PSME1: variants seen among roughly 807,000 people sequenced by gnomAD.
PSME1 encodes the protein proteasome activator complex subunit 1.
PSME1 carries 15 observed loss-of-function variants against 38.4 expected under a neutral mutation model. That is an observed-to-expected ratio of 0.39 (90% CI 0.26 to 0.60). The LOEUF (loss-of-function observed/expected upper bound fraction) is 0.60, where lower values mean the gene tolerates loss of function less well. PSME1 is among the 20% of genes least tolerant of loss of function. PSME1 has a pLI of 0.53. For synonymous variants in PSME1, 106 were observed against 106.8 expected, an observed-to-expected ratio of 0.99 and a Z score of 0.05; for missense variants, 249 against 305.6, an observed-to-expected ratio of 0.81 and a Z score of 1.38.
Position 24,138,824 on chromosome 14 carries a change from C to A in PSME1, c.*8C>A. 6.2e-7 allele frequency: 1 copy of A among 1,613,070 alleles called. No individual in the cohort carries two copies. Among genetic ancestry groups the A allele is most frequent in the South Asian group, 1.1e-5 (1 of 91,056 alleles). On this transcript the variant is annotated 3_prime_UTR_variant, in exon 11 of 11. Transcript: ENST00000206451. ...AAGGGAATGATCTATTGAGAGCCCTCTCTCCCATTCTGTGATGAGTACAGC... is the reference window on the plus strand; with the variant it reads ...AAGGGAATGATCTATTGAGAGCCCTATCTCCCATTCTGTGATGAGTACAGC...
Position 24,138,753 on chromosome 14 carries a change from C to A in PSME1, c.687C>A (p.Ile229=), listed in dbSNP as rs763111057. 1 of 1,614,186 alleles carries A rather than the reference C, an allele frequency of 6.2e-7. No individual in the cohort carries two copies. ...CCCTGTAGGCTGTGTTATATGACAT[C>A]ATCCTGAAGAACTTCGAGAAGCTCA... ...IRNAYAVLYD[I]ILKNFEKLKK... is the part of the protein sequence containing the mutation. Residue 229 remains isoleucine (I), a synonymous_variant, in exon 11 of 11, where the codon ATC becomes ATA. Coordinates refer to ENST00000206451, the MANE Select transcript of PSME1 (RefSeq NM_006263.4).
rs770537710 is a variant in PSME1 at position 24,137,192 on chromosome 14, A to G, written c.122A>G (p.Asp41Gly). 1.2e-5 allele frequency: 20 copies of G among 1,614,178 alleles called. No homozygotes were observed. Among genetic ancestry groups the G allele is most frequent in the Non-Finnish European group, 1.5e-5 (18 of 1,180,016 alleles). ...SYFPKKISELDAFLKEPALNE... is the reference protein window; with the variant it reads ...SYFPKKISELGAFLKEPALNE... ...TTCCCCAAGAAGATTTCTGAGCTGG[A>G]TGCATTTTTAAAGGTACCGCGGCTG... is the stretch of plus-strand genomic sequence containing the variant. The change falls in exon 3 of 11, where the codon GAT becomes GGT. Residue 41 changes from aspartate to glycine, a missense_variant. Transcript: ENST00000206451.
Position 24,138,478 on chromosome 14 carries a change from A to G in PSME1, c.587A>G (p.Asp196Gly). 6.2e-7 allele frequency: 1 copy of G among 1,614,072 alleles called. No homozygotes were observed. Among genetic ancestry groups the G allele is most frequent in the Non-Finnish European group, 8.5e-7 (1 of 1,180,028 alleles). ...CCTGACCCGAGCTTCCCACAGGGTG[A>G]TTATCGGCAGCTGGTGCACGAGCTG... ...TKAAKQPHVG[D>G]YRQLVHELDE... The change falls in exon 10 of 11, where the codon GAT becomes GGT. Residue 196 changes from aspartate (D) to glycine (G), a missense_variant. Coordinates refer to ENST00000206451, the MANE Select transcript of PSME1 (RefSeq NM_006263.4).
rs766442402 is a variant in PSME1 at position 24,137,726 on chromosome 14, A to C, written c.319A>C (p.Asn107His). ...TCCTCCCTGTGGCCCAGTGAACTGCAATGAAAAGATCGTGGTCCTTCTGCA... is the reference window on the plus strand; with the variant it reads ...TCCTCCCTGTGGCCCAGTGAACTGCCATGAAAAGATCGTGGTCCTTCTGCA... ...KGPPCGPVNC[N>H]EKIVVLLQRL... The change falls in exon 6 of 11, where the codon AAT (asparagine) becomes CAT (histidine). Residue 107 changes from asparagine (N) to histidine (H), a missense_variant. Physicochemically the swap from Asn to His is moderately conservative, Grantham distance 68. Transcript: ENST00000206451. The C allele has an allele frequency of 6.2e-7, 1 of 1,614,234 alleles. No homozygotes were observed. The highest frequency in any genetic ancestry group is 8.5e-7 in the Non-Finnish European group (1 of 1,180,036).
Position 24,138,746 on chromosome 14 carries a change from AT to A in PSME1, c.681del (p.Tyr227Ter). 6.2e-7 allele frequency: 1 copy of A among 1,614,154 alleles called. No individual in the cohort carries two copies. On this transcript the variant is annotated frameshift_variant, in exon 11 of 11. Coordinates refer to ENST00000206451, the MANE Select transcript of PSME1 (RefSeq NM_006263.4). LOFTEE classifies it high-confidence loss of function. ...MEIRNAYAVL[Y>X]DIILKNFEKL... ...TCCCTGGCCCTGTAGGCTGTGTTAT[AT>A]GACATCATCCTGAAGAACTTCGAGA... is the stretch of plus-strand genomic sequence containing the variant.
At position 24,138,218 on chromosome 14, in the gene PSME1, C is replaced by G. The variant is rs777948031; in HGVS notation, c.482C>G (p.Thr161Ser). 6 of 1,614,044 alleles carry G rather than the reference C, an allele frequency of 3.7e-6. No individual in the cohort carries two copies. Among genetic ancestry groups the G allele is most frequent in the African/African-American group, 1.3e-5 (1 of 74,912 alleles). ...TAGGAGAAGGTGTTTGAGCTGATGA[C>G]CAGCCTCCACACCAAGCTAGAAGGC... ...AVQEKVFELM[T>S]SLHTKLEGFH... The change falls in exon 8 of 11, where the codon ACC becomes AGC. Residue 161 changes from threonine to serine, a missense_variant. Transcript: ENST00000206451.
rs763887752 is a variant in PSME1 at position 24,136,260 on chromosome 14, G to C, written c.-3G>C. The C allele has an allele frequency of 6.5e-7, 1 of 1,527,886 alleles. No homozygotes were observed. The highest frequency in any genetic ancestry group is 1.2e-5 in the South Asian group (1 of 81,028). 94.6% of individuals were successfully genotyped at this position (1,527,886 alleles called of 1,614,324 possible). A position where few individuals can be genotyped will look rare whatever the true frequency, so the allele number is the denominator to read the frequency against. On this transcript the variant is annotated 5_prime_UTR_variant, in exon 1 of 11. Transcript: ENST00000206451. The surrounding 1 kb of genome is among the most constrained non-coding windows in gnomAD (Gnocchi z 4.8). The stretch of plus-strand genomic sequence containing the variant: ...GTGCGGCGCTAGGCCCCCCGTCCCG[G>C]TCATGGCCATGCTCAGGGTCCAGCC...
Position 24,136,218 on chromosome 14 carries a change from T to TGCCCA in PSME1, c.-44_-40dup, listed in dbSNP as rs762523415. The TGCCCA allele has an allele frequency of 1.3e-6, 2 of 1,512,714 alleles. No homozygotes were observed. Among genetic ancestry groups the TGCCCA allele is most frequent in the Non-Finnish European group, 1.8e-6 (2 of 1,129,550 alleles). The allele number at this position is 1,512,714 out of a possible 1,614,324, so 93.7% of individuals were successfully genotyped here. ...TACCGCTTTCGCTTTCCCTTCGCGG[T>TGCCCA]GCCCACTCCACTCCTTGTGCGGCGC... On this transcript the variant is annotated 5_prime_UTR_variant, in exon 1 of 11. Coordinates refer to ENST00000206451, the MANE Select transcript of PSME1 (RefSeq NM_006263.4). The surrounding 1 kb of genome is among the most constrained non-coding windows in gnomAD (Gnocchi z 4.8).
At chr14:24,138,451 G>A in intron 9 of PSME1, 23 bp from the exon 10 acceptor site, 1 of 1,614,160 alleles carries the variant, frequency 6.2e-7, no homozygotes, top group Non-Finnish European at 8.5e-7. Flanking sequence ...TGTAAGGTCA[G>A]GCCTGACCCG....
intron 6 of PSME1, 102 bp from the exon 7 acceptor site, chr14:24,137,947 C>T: frequency 6.6e-7 from 1 of 1,512,724 alleles, no homozygotes; most frequent in Non-Finnish European, 9.2e-7. Flanking sequence ...CAGGATAGAC[C>T]CGGCACGCCT....
At position 24,138,464 on chromosome 14, in the gene PSME1, C is replaced by T. The variant is rs1477365920; in HGVS notation, c.583-10C>T. 1.2e-6 allele frequency: 2 copies of T among 1,613,996 alleles called. No individual in the cohort carries two copies. Among genetic ancestry groups the T allele is most frequent in the Non-Finnish European group, 1.7e-6 (2 of 1,180,034 alleles). On this transcript the variant is annotated splice_polypyrimidine_tract_variant and intron_variant, in intron 9 of 10. Coordinates refer to ENST00000206451, the MANE Select transcript of PSME1 (RefSeq NM_006263.4). ...CATGTAAGGTCAGGCCTGACCCGAG[C>T]TTCCCACAGGGTGATTATCGGCAGC...
intron 5 of PSME1, 60 bp from the exon 6 acceptor site, chr14:24,137,640 T>C (rs1157272943): frequency 2.5e-6 from 4 of 1,611,068 alleles, no homozygotes; most frequent in Non-Finnish European, 3.4e-6. Flanking sequence ...TTCTTTCCAG[T>C]CTCCCCTTCG....
chr14:24,136,788 A>T lies in PSME1; in HGVS notation c.40-197A>T, dbSNP rs2037909452. ...GGGATACCCACTCCACTTTCCGTAGATCCAGGTCTGCAGAGATCCACCTTC... is the reference window on the plus strand; with the variant it reads ...GGGATACCCACTCCACTTTCCGTAGTTCCAGGTCTGCAGAGATCCACCTTC... On this transcript the variant is annotated intron_variant, in intron 1 of 10. Coordinates refer to ENST00000206451, the MANE Select transcript of PSME1 (RefSeq NM_006263.4). The surrounding 1 kb of genome is among the most constrained non-coding windows in gnomAD (Gnocchi z 4.8). The T allele has an allele frequency of 1.5e-6, 1 of 656,564 alleles. No individual in the cohort carries two copies. Among genetic ancestry groups the T allele is most frequent in the Non-Finnish European group, 2.8e-6 (1 of 361,296 alleles). The allele number at this position is 656,564 out of a possible 1,614,324, so 40.7% of individuals were successfully genotyped here. A position where few individuals can be genotyped will look rare whatever the true frequency, so the allele number is the denominator to read the frequency against.
intron 3 of PSME1, 48 bp from the exon 4 acceptor site, chr14:24,137,273 G>A: frequency 6.2e-7 from 1 of 1,611,204 alleles, no homozygotes; most frequent in Non-Finnish European, 8.5e-7. Context: ...GTGAGAGTGA[G>A]GTGAGAGGAA....
At chr14:24,138,611 C>T (rs1481907972) in intron 10 of PSME1, 51 bp downstream of exon 10, 11 of 1,613,850 alleles carry the variant, frequency 6.8e-6, no homozygotes, top group African/African-American at 1.3e-5. Context: ...TTTCCCAGGC[C>T]ACCCACTCCC....
rs778528421 is a variant in PSME1 at position 24,137,414 on chromosome 14, C to T, written c.229C>T (p.Arg77Trp). The T allele has an allele frequency of 2.9e-5, 47 of 1,613,938 alleles. No individual in the cohort carries two copies. The highest frequency in any genetic ancestry group is 4.5e-5 in the East Asian group (2 of 44,896). The change falls in exon 4 of 11, where the codon CGG (arginine) becomes TGG (tryptophan). Residue 77 changes from arginine to tryptophan, a missense_variant. Arg to Trp is a moderately radical substitution (Grantham distance 101, BLOSUM62 -3). Coordinates refer to ENST00000206451, the MANE Select transcript of PSME1 (RefSeq NM_006263.4). ...DPVKEKEKEE[R>W]KKQQEKEDKD... ...AGTCAAGGAGAAAGAGAAAGAGGAG[C>T]GGAAGAAACAGCAGGAGGCAAGCTG...
In PSME1 at chr14:24,136,349, G is replaced by C; in HGVS notation, c.39+48G>C. ...AGGGCCCACTGGGGAGGCGTGGCTG[G>C]AGCGGCCGGGGGCATCCCCGACCCG... On this transcript the variant is annotated intron_variant, in intron 1 of 10. Coordinates refer to ENST00000206451, the MANE Select transcript of PSME1 (RefSeq NM_006263.4). The surrounding 1 kb of genome is among the most constrained non-coding windows in gnomAD (Gnocchi z 4.8). 1 of 1,484,226 alleles carries C rather than the reference G, an allele frequency of 6.7e-7. No homozygotes were observed. Among genetic ancestry groups the C allele is most frequent in the Non-Finnish European group, 9.0e-7 (1 of 1,116,168 alleles). The allele number at this position is 1,484,226 out of a possible 1,614,324, so 91.9% of individuals were successfully genotyped here.
rs11574506 is a variant in PSME1 at position 24,136,685 on chromosome 14, C to T, written c.40-300C>T. Among the ~76,000 whole-genome samples the T allele has an allele frequency of 6.6e-6, 1 of 152,100 alleles. No individual in the cohort carries two copies. The highest frequency in any genetic ancestry group is 1.5e-5 in the Non-Finnish European group (1 of 67,982). Reference sequence around the variant, plus strand: ...AGCACCCCTCCTCACACCTGCCAGGCGACCCCAGAGATCTGTTCTCACGTG... The same window carrying T: ...AGCACCCCTCCTCACACCTGCCAGGTGACCCCAGAGATCTGTTCTCACGTG... On this transcript the variant is annotated intron_variant, in intron 1 of 10. Transcript: ENST00000206451. This position sits in a 1 kb window ranked among gnomAD's most constrained non-coding sequence, Gnocchi z 4.8.
rs753081841 is a variant in PSME1, at chr14:24,137,439, G to A, written c.246+8G>A. On this transcript the variant is annotated splice_region_variant and intron_variant, in intron 4 of 10. Coordinates refer to ENST00000206451, the MANE Select transcript of PSME1 (RefSeq NM_006263.4). ...CGGAAGAAACAGCAGGAGGCAAGCT[G>A]GGAAGACCTGGGAGAAGGGATCCAA... The A allele has an allele frequency of 3.7e-6, 6 of 1,614,082 alleles. No homozygotes were observed. Among genetic ancestry groups the A allele is most frequent in the Non-Finnish European group, 2.5e-6 (3 of 1,179,948 alleles).
Sources: allele counts gnomAD v4.1 joint callset (sites outside exome capture counted in the v4.1 genomes callset), GRCh38; gene constraint gnomAD v4.1.1; non-coding constraint Gnocchi (gnomAD v3.1); transcripts MANE v1.5; gene names NCBI Gene and HGNC (gene_info 2026-07-23, HGNC 2026-07-21).